Variants in ZDHHC15 observed in about 807,000 individuals in gnomAD.
The protein encoded by ZDHHC15 is zDHHC palmitoyltransferase 15.
A neutral mutation model predicts 31.7 loss-of-function variants in ZDHHC15; 19 were observed. That is an observed-to-expected ratio of 0.60 (90% confidence interval 0.42 to 0.88). The LOEUF (loss-of-function observed/expected upper bound fraction) is 0.88. ZDHHC15 is among the 40% of genes least tolerant of loss of function. The probability of loss-of-function intolerance (pLI) is 0.00; values close to 1 mark genes in which losing one functional copy is unlikely to be tolerated. For synonymous variants in ZDHHC15, 103 were observed against 90.0 expected (o/e 1.14, Z -0.82); for missense variants, 209 against 251.2 (o/e 0.83, Z 1.14).
chrX:75,458,378 T>A (rs2084257925), intron 3 of ZDHHC15, among the ~76,000 whole-genome samples: 1 of 111,834 alleles, frequency 8.9e-6, no homozygotes, highest in Non-Finnish European at 1.9e-5. Flanking sequence ...TTAACCTGGA[T>A]ACTGATTACT....
At chrX:75,378,007 T>C (rs948759321) in intron 11 of ZDHHC15, among the ~76,000 whole-genome samples, 10 of 112,327 alleles carry the variant, frequency 8.9e-5, no homozygotes, top group Non-Finnish European at 1.5e-4. Context: ...TACTATCATA[T>C]AAGTTGTCTT....
intron 9 of ZDHHC15, among the ~76,000 whole-genome samples, chrX:75,418,629 T>C (rs936419556): frequency 5.4e-5 from 6 of 111,607 alleles, no homozygotes; most frequent in Admixed American, 9.6e-5. Flanking sequence ...TATAGGCCAA[T>C]GGAACAGAAC....
Position 75,497,144 on chromosome X carries a change from A to G in ZDHHC15, c.163+8677T>C, listed in dbSNP as rs180856989. On this transcript the variant is annotated intron_variant, in intron 2 of 11. Coordinates refer to ENST00000373367, the MANE Select transcript of ZDHHC15 (RefSeq NM_144969.3). ...ACAAATAAGCTCAATTAGAAACGAA[A>G]TAGGAAATATTACAACTGATAGCAC... Among the ~76,000 whole-genome samples the G allele has an allele frequency of 4.5e-5, 5 of 112,025 alleles. No individual in the cohort carries two copies. In the East Asian group the frequency reaches 1.4e-3, roughly 32 times the overall value.
intron 3 of ZDHHC15, among the ~76,000 whole-genome samples, chrX:75,466,878 C>G (rs2084414920): frequency 1.2e-5 from 1 of 84,163 alleles, no homozygotes; most frequent in African/African-American, 4.9e-5. Context: ...GAACAACACA[C>G]ACTGGGGCCT....
At chrX:75,521,033 G>A (rs1416296148) in intron 1 of ZDHHC15, among the ~76,000 whole-genome samples, 1 of 110,865 alleles carries the variant, frequency 9.0e-6, no homozygotes, top group Non-Finnish European at 1.9e-5. Flanking sequence ...TACAAATGGA[G>A]TCAGGTCCCG....
intron 3 of ZDHHC15, among the ~76,000 whole-genome samples, chrX:75,458,991 C>CAAAAA (rs775652299): frequency 1.3e-4 from 2 of 15,617 alleles, no homozygotes; most frequent in Non-Finnish European, 3.7e-4. Flanking sequence ...GGCACAGAGA[C>CAAAAA]AAAAAAAAAA....
rs757711964 is a variant in ZDHHC15 at position 75,425,550 on chromosome X, T to C, written c.604-766A>G. On this transcript the variant is annotated intron_variant, in intron 7 of 11. Transcript: ENST00000373367. The stretch of plus-strand genomic sequence containing the variant: ...AAAGTTCTGTAACATGCGCAGCATG[T>C]AACATTTATCTTCTGAAGAGAATCT... Among the ~76,000 whole-genome samples the C allele has an allele frequency of 4.1e-4, 46 of 112,641 alleles. 1 individual carries two copies. Among genetic ancestry groups the C allele is most frequent in the African/African-American group, 1.2e-3 (37 of 31,138 alleles).
chrX:75,429,083 A>T lies in ZDHHC15; in HGVS notation c.598T>A (p.Trp200Arg). ...TTVFSYFIKY[W>R]RGELPSVRSK... Reference sequence around the variant, plus strand: ...TCAGGATATTTTTAACTTACTCTCCAGTATTTGATGAAATAGCTGAAGACT... The same window carrying T: ...TCAGGATATTTTTAACTTACTCTCCTGTATTTGATGAAATAGCTGAAGACT... Residue 200 changes from tryptophan to arginine, a missense_variant, in exon 7 of 12, where the codon TGG (tryptophan) becomes AGG (arginine). Physicochemically the swap from Trp to Arg is moderately radical, Grantham distance 101. Coordinates refer to ENST00000373367, the MANE Select transcript of ZDHHC15 (RefSeq NM_144969.3). The T allele has an allele frequency of 8.3e-7, 1 of 1,208,850 alleles. No individual in the cohort carries two copies. The highest frequency in any genetic ancestry group is 1.1e-6 in the Non-Finnish European group (1 of 894,387).
intron 1 of ZDHHC15, among the ~76,000 whole-genome samples, chrX:75,518,145 A>T (rs1404969537): frequency 1.6e-4 from 18 of 111,748 alleles, no homozygotes; most frequent in African/African-American, 5.5e-4. Flanking sequence ...GATAAATTGA[A>T]TTTTATTAAA....
chrX:75,441,533 C>A (rs756374173), intron 4 of ZDHHC15, among the ~76,000 whole-genome samples: 11 of 111,341 alleles, frequency 9.9e-5, no homozygotes, highest in African/African-American at 3.6e-4. Flanking sequence ...AGGTTTTTGG[C>A]TGTCTCATGG....
chrX:75,474,042 G>A (rs758581037), intron 3 of ZDHHC15, among the ~76,000 whole-genome samples: 1 of 110,931 alleles, frequency 9.0e-6, no homozygotes, highest in South Asian at 3.8e-4. Flanking sequence ...ACTTGACAAG[G>A]GTGGACTTGT....
At chrX:75,440,549 G>A (rs950933811) in intron 4 of ZDHHC15, among the ~76,000 whole-genome samples, 2 of 112,735 alleles carry the variant, frequency 1.8e-5, no homozygotes, top group African/African-American at 3.2e-5. Flanking sequence ...GAAGTGCTGG[G>A]ATTACAGGCG....
At chrX:75,403,161 A>G (rs1285426447) in intron 10 of ZDHHC15, among the ~76,000 whole-genome samples, 2 of 112,449 alleles carry the variant, frequency 1.8e-5, no homozygotes, top group African/African-American at 6.5e-5. Flanking sequence ...CAATAGATTC[A>G]AGAAATGCTT....
chrX:75,390,586 T>A (rs1569307167), intron 10 of ZDHHC15, among the ~76,000 whole-genome samples: 1 of 111,576 alleles, frequency 9.0e-6, no homozygotes, highest in Non-Finnish European at 1.9e-5. Context: ...TTCTTCAGGA[T>A]CTTATCCAAC....
At chrX:75,442,460 G>T (rs2147888415) in intron 4 of ZDHHC15, among the ~76,000 whole-genome samples, 1 of 111,822 alleles carries the variant, frequency 8.9e-6, no homozygotes. Context: ...CAAAGTCTCA[G>T]GATACAAAAT....
At chrX:75,433,235 C>T (rs1453179476) in intron 4 of ZDHHC15, among the ~76,000 whole-genome samples, 1 of 111,475 alleles carries the variant, frequency 9.0e-6, no homozygotes, top group Non-Finnish European at 1.9e-5. Flanking sequence ...GTTCCTTTTG[C>T]CTGGGATGAT....
chrX:75,518,884 C>T (rs1337051983), intron 1 of ZDHHC15, among the ~76,000 whole-genome samples: 1 of 97,455 alleles, frequency 1.0e-5, no homozygotes, highest in Non-Finnish European at 2.0e-5. Context: ...GGATAAATTA[C>T]TGTTACATAA....
chrX:75,390,895 G>A (rs2083235531), intron 10 of ZDHHC15, among the ~76,000 whole-genome samples: 1 of 111,574 alleles, frequency 9.0e-6, no homozygotes, highest in East Asian at 2.8e-4. Flanking sequence ...ACCAATCTCA[G>A]AGAGACTGAG....
At chrX:75,444,889 C>G (rs893713322) in intron 4 of ZDHHC15, among the ~76,000 whole-genome samples, 3 of 108,369 alleles carry the variant, frequency 2.8e-5, no homozygotes, top group Admixed American at 2.0e-4. Context: ...CTGGGACTTA[C>G]GTGATCAGGG....
Sources: allele counts gnomAD v4.1 joint callset (sites outside exome capture counted in the v4.1 genomes callset), GRCh38; gene constraint gnomAD v4.1.1; transcripts MANE v1.5; gene names NCBI Gene and HGNC (gene_info 2026-07-23, HGNC 2026-07-21).